Variants in IL36B observed in about 807,000 individuals in gnomAD.
IL36B encodes the protein interleukin-36 beta.
IL36B carries 23 observed loss-of-function variants against 19.3 expected under a neutral mutation model. The observed-to-expected ratio is 1.19, with a 90% CI of 0.86 to 1.69. The LOEUF is 1.69. IL36B is among the 40% of genes most tolerant of loss of function. The probability of loss-of-function intolerance (pLI) is 0.00; values close to 1 mark genes in which losing one functional copy is unlikely to be tolerated. For missense variants in IL36B, 217 were observed against 200.5 expected (o/e 1.08, Z -0.50); for synonymous variants, 59 against 59.7 (o/e 0.99, Z 0.05).
At chr2:113,037,726 G>A (rs1685187728) in intron 1 of IL36B, among the ~76,000 whole-genome samples, 1 of 151,590 alleles carries the variant, frequency 6.6e-6, no homozygotes, top group South Asian at 2.1e-4. Flanking sequence ...AATGATAGAG[G>A]AGTTTTCTAT....
chr2:113,048,178 A>G (rs1037294961), intron 1 of IL36B, among the ~76,000 whole-genome samples: 4 of 152,228 alleles, frequency 2.6e-5, no homozygotes, highest in African/African-American at 9.6e-5. Context: ...TGTATCATGC[A>G]AATACTAATC....
At chr2:113,035,870 A>G (rs1685158240) in intron 1 of IL36B, among the ~76,000 whole-genome samples, 1 of 152,182 alleles carries the variant, frequency 6.6e-6, no homozygotes, top group African/African-American at 2.4e-5. Flanking sequence ...AAAGAAGGGA[A>G]GTGGTTGCCT....
intron 1 of IL36B, among the ~76,000 whole-genome samples, chr2:113,044,566 A>G (rs10176709): frequency 0.05 from 7,586 of 152,204 alleles, 633 homozygotes; most frequent in African/African-American, 0.17. Context: ...TTAACATGGT[A>G]TATCATTTTC....
At chr2:113,046,845 T>A (rs1400553293) in intron 1 of IL36B, among the ~76,000 whole-genome samples, 2 of 152,204 alleles carry the variant, frequency 1.3e-5, no homozygotes, top group Non-Finnish European at 2.9e-5. Flanking sequence ...GTTTCTCCAC[T>A]GTAAAGTTAC....
At chr2:113,049,678 G>A (rs546123598) in intron 1 of IL36B, among the ~76,000 whole-genome samples, 1 of 152,326 alleles carries the variant, frequency 6.6e-6, no homozygotes, top group African/African-American at 2.4e-5. Context: ...AATTGGGTGG[G>A]GCGTGATGGC....
chr2:113,042,208 G>C (rs1243084438), intron 1 of IL36B, among the ~76,000 whole-genome samples: 2 of 152,174 alleles, frequency 1.3e-5, no homozygotes, highest in Non-Finnish European at 2.9e-5. Flanking sequence ...TAGGGCAGGA[G>C]TCGTCTTGCC....
intron 1 of IL36B, among the ~76,000 whole-genome samples, chr2:113,036,875 C>T (rs755826673): frequency 6.6e-5 from 10 of 152,218 alleles, no homozygotes; most frequent in African/African-American, 9.6e-5. Flanking sequence ...AAATCTAGGA[C>T]GGCACTGCCC....
chr2:113,037,518 A>T (rs931983637), intron 1 of IL36B, among the ~76,000 whole-genome samples: 5 of 152,124 alleles, frequency 3.3e-5, no homozygotes, highest in African/African-American at 4.8e-5. Flanking sequence ...GCGTGGTGGC[A>T]CATGCTTGTA....
intron 1 of IL36B, among the ~76,000 whole-genome samples, chr2:113,050,293 C>A (rs573094650): frequency 4.3e-4 from 65 of 151,462 alleles, no homozygotes; most frequent in Non-Finnish European, 8.0e-4. Context: ...ATACATGCTA[C>A]AACATGGATG....
chr2:113,041,157 AC>A (rs1558835908), intron 1 of IL36B, among the ~76,000 whole-genome samples: 5 of 76,394 alleles, frequency 6.5e-5, no homozygotes, highest in Admixed American at 1.4e-4. Flanking sequence ...ACTTTGCCAC[AC>A]ACAAAAAAAA....
At chr2:113,047,190 T>A (rs1231620868) in intron 1 of IL36B, among the ~76,000 whole-genome samples, 1 of 152,240 alleles carries the variant, frequency 6.6e-6, no homozygotes, top group South Asian at 2.1e-4. Flanking sequence ...AAGTATTTCC[T>A]TACTTTTTGT....
At chr2:113,025,908 C>T (rs1684949517) in intron 5 of IL36B, among the ~76,000 whole-genome samples, 1 of 152,016 alleles carries the variant, frequency 6.6e-6, no homozygotes, top group Non-Finnish European at 1.5e-5. Flanking sequence ...ACAAGTGACC[C>T]TAGGGAACAT....
At chr2:113,036,745 C>A (rs1685173684) in intron 1 of IL36B, among the ~76,000 whole-genome samples, 1 of 150,610 alleles carries the variant, frequency 6.6e-6, no homozygotes, top group Non-Finnish European at 1.5e-5. Context: ...AGCGCCTTAT[C>A]CTGATTCTTT....
intron 1 of IL36B, among the ~76,000 whole-genome samples, chr2:113,044,859 T>A (rs1685322161): frequency 6.6e-6 from 1 of 152,208 alleles, no homozygotes; most frequent in African/African-American, 2.4e-5. Flanking sequence ...GTTAACTTAC[T>A]AGTGATTACT....
intron 1 of IL36B, among the ~76,000 whole-genome samples, chr2:113,052,005 G>A (rs1254032301): frequency 6.6e-6 from 1 of 151,162 alleles, no homozygotes; most frequent in African/African-American, 2.4e-5. Context: ...ATGAAGTGCA[G>A]TGACATGATC....
intron 1 of IL36B, among the ~76,000 whole-genome samples, chr2:113,038,324 G>T (rs1685195120): frequency 6.6e-6 from 1 of 152,194 alleles, no homozygotes; most frequent in Non-Finnish European, 1.5e-5. Context: ...TCAGACATCT[G>T]CCCAGTGTCT....
chr2:113,040,203 G>A (rs921976336), intron 1 of IL36B, among the ~76,000 whole-genome samples: 2 of 152,054 alleles, frequency 1.3e-5, no homozygotes, highest in Non-Finnish European at 2.9e-5. Context: ...TAGGCCAAAG[G>A]TAACATCTAC....
intron 4 of IL36B, chr2:113,027,780 G>C: frequency 6.8e-7 from 1 of 1,476,354 alleles, no homozygotes; most frequent in Non-Finnish European, 9.0e-7. Context: ...TGGATAGTAA[G>C]AATGAGGTAA....
chr2:113,045,404 A>T (rs910408218), intron 1 of IL36B, among the ~76,000 whole-genome samples: 2 of 152,066 alleles, frequency 1.3e-5, no homozygotes, highest in Admixed American at 6.5e-5. Context: ...AGATTTTCTC[A>T]GTATCACTGG....
Sources: gnomAD v4.1 joint callset for allele counts (sites outside exome capture counted in the v4.1 genomes callset) on GRCh38, gnomAD v4.1.1 for gene constraint, MANE v1.5 for transcripts, NCBI Gene and HGNC (gene_info 2026-07-23, HGNC 2026-07-21) for gene names.